Variants in TNR observed in about 807,000 individuals in gnomAD.
TNR encodes tenascin-R.
Under a neutral mutation model 150.4 loss-of-function variants are expected in TNR, and 45 were observed. The observed-to-expected ratio is 0.30, with a 90% confidence interval of 0.24 to 0.38. The LOEUF is 0.38. Among genes scored for constraint, TNR ranks in the 10% least tolerant of loss-of-function variants. The pLI, the probability that TNR is intolerant of heterozygous loss-of-function variation, is 1.00. For missense variants in TNR, 1,544 were observed against 1,759.1 expected, an observed-to-expected ratio of 0.88 and a Z score of 2.19; for synonymous variants, 687 against 678.4, an observed-to-expected ratio of 1.01 and a Z score of -0.20.
chr1:175,624,620 CAA>C (rs1664086534), intron 1 of TNR, among the ~76,000 whole-genome samples: 1 of 152,122 alleles, frequency 6.6e-6, no homozygotes, highest in Admixed American at 6.5e-5. Flanking sequence ...CTACAGGTTT[CAA>C]AGAAATCTTG....
chr1:175,401,091 T>A (rs905760904), intron 4 of TNR, among the ~76,000 whole-genome samples: 1 of 152,156 alleles, frequency 6.6e-6, no homozygotes, highest in Non-Finnish European at 1.5e-5. Context: ...ATGTCAGAGG[T>A]AACGTGCTCA....
At chr1:175,382,494 A>C (rs1652726926) in intron 8 of TNR, among the ~76,000 whole-genome samples, 1 of 152,236 alleles carries the variant, frequency 6.6e-6, no homozygotes, top group Middle Eastern at 3.2e-3. Context: ...AGAGTCCTAG[A>C]GCGGCATCAC....
intron 1 of TNR, among the ~76,000 whole-genome samples, chr1:175,582,300 C>T (rs1450105517): frequency 6.6e-6 from 1 of 152,184 alleles, no homozygotes; most frequent in Non-Finnish European, 1.5e-5. Context: ...AGAGCTAGGA[C>T]TCACTGTAGT....
intron 18 of TNR, among the ~76,000 whole-genome samples, chr1:175,338,474 G>A (rs559090467): frequency 1.3e-5 from 2 of 152,324 alleles, no homozygotes; most frequent in South Asian, 4.1e-4. Flanking sequence ...GCCCACCGGA[G>A]GAGCTTTTCT....
At chr1:175,598,867 C>G (rs1663116387) in intron 1 of TNR, among the ~76,000 whole-genome samples, 1 of 152,206 alleles carries the variant, frequency 6.6e-6, no homozygotes, top group Non-Finnish European at 1.5e-5. Flanking sequence ...ATCTCAAGTT[C>G]CCCAAGTCTT....
At chr1:175,689,187 C>T (rs1666285743) in intron 1 of TNR, among the ~76,000 whole-genome samples, 1 of 152,208 alleles carries the variant, frequency 6.6e-6, no homozygotes, top group African/African-American at 2.4e-5. Flanking sequence ...CTTCTCCTGG[C>T]TTCTGCCTAG....
At chr1:175,691,387 AAG>A (rs1666365973) in intron 1 of TNR, among the ~76,000 whole-genome samples, 1 of 152,232 alleles carries the variant, frequency 6.6e-6, no homozygotes, top group South Asian at 2.1e-4. Context: ...GCACAGTTGT[AAG>A]AGTTTCCTGT....
At chr1:175,626,334 T>C (rs1664157566) in intron 1 of TNR, among the ~76,000 whole-genome samples, 1 of 152,150 alleles carries the variant, frequency 6.6e-6, no homozygotes, top group Non-Finnish European at 1.5e-5. Context: ...GTCATTAAAA[T>C]CTCACCCAAG....
chr1:175,541,348 A>G lies in TNR; in HGVS notation c.-164-12979T>C, dbSNP rs1029524550. 2.0e-5 allele frequency among the ~76,000 whole-genome samples: 3 copies of G among 152,354 alleles called. No individual in the cohort carries two copies. In the East Asian group the frequency reaches 5.8e-4, roughly 29 times the overall value. The stretch of plus-strand genomic sequence containing the variant: ...CTCCCCATGGCAGCTCCCTGCCCCT[A>G]TGGCTTGGAAAACTCAATTCGCTCT... On this transcript the variant is annotated intron_variant, in intron 1 of 22. Coordinates refer to ENST00000367674, the MANE Select transcript of TNR (RefSeq NM_003285.3).
rs190410446 is a variant in TNR at position 175,656,453 on chromosome 1, G to T, written c.-165+86773C>A. ...TCTCTCAACTCCATTAATTCAGCCA[G>T]CTCAGCCCAGCTCCTGATTATGGTT... On this transcript the variant is annotated intron_variant, in intron 1 of 22. Coordinates refer to ENST00000367674, the MANE Select transcript of TNR (RefSeq NM_003285.3). 2.0e-5 allele frequency among the ~76,000 whole-genome samples: 3 copies of T among 152,306 alleles called. No homozygotes were observed. The East Asian group carries it at 5.8e-4, about 29-fold the overall frequency.
Position 175,315,997 on chromosome 1 carries a change from C to T in TNR, c.*7360G>A, listed in dbSNP as rs1040554687. ...GACATTTTTGCAGGAATTGAAGTGT[C>T]TATTGCATCTAATGCACAGGTGTCA... On this transcript the variant is annotated 3_prime_UTR_variant, in exon 23 of 23. Transcript: ENST00000367674. 2.0e-5 allele frequency: 3 copies of T among 152,212 alleles called. No individual in the cohort carries two copies. Among genetic ancestry groups the T allele is most frequent in the African/African-American group, 7.2e-5 (3 of 41,444 alleles). The allele number at this position is 152,212 out of a possible 1,614,324, so 9.4% of individuals were successfully genotyped here. A position where few individuals can be genotyped will look rare whatever the true frequency, so the allele number is the denominator to read the frequency against.
chr1:175,556,111 C>T (rs941274730), intron 1 of TNR, among the ~76,000 whole-genome samples: 2 of 152,248 alleles, frequency 1.3e-5, no homozygotes, highest in Non-Finnish European at 2.9e-5. Context: ...AGAAGACCGA[C>T]GGCCTTTTTG....
At chr1:175,699,120 T>C (rs927077395) in intron 1 of TNR, among the ~76,000 whole-genome samples, 22 of 152,116 alleles carry the variant, frequency 1.4e-4, no homozygotes, top group African/African-American at 3.9e-4. Flanking sequence ...GCTTAGAAGG[T>C]GGAGCCAGCA....
At chr1:175,512,206 G>A (rs1190268364) in intron 2 of TNR, among the ~76,000 whole-genome samples, 1 of 152,202 alleles carries the variant, frequency 6.6e-6, no homozygotes, top group East Asian at 1.9e-4. Context: ...CATTTAGAAG[G>A]AGGAGCACCC....
chr1:175,647,090 T>C (rs1664830904), intron 1 of TNR, among the ~76,000 whole-genome samples: 1 of 152,204 alleles, frequency 6.6e-6, no homozygotes, highest in South Asian at 2.1e-4. Flanking sequence ...CTTCACACCA[T>C]TCACACAATT....
intron 1 of TNR, among the ~76,000 whole-genome samples, chr1:175,590,232 G>T (rs867509275): frequency 6.6e-6 from 1 of 152,060 alleles, no homozygotes; most frequent in Non-Finnish European, 1.5e-5. Context: ...ACCTGTAGTA[G>T]TCATTATTGT....
chr1:175,417,075 G>GAAAGAAATAAATAAAT lies in TNR; in HGVS notation c.-63-10299_-63-10298insATTTATTTATTTCTTT, dbSNP rs754333098. On this transcript the variant is annotated intron_variant, in intron 2 of 22. Coordinates refer to ENST00000367674, the MANE Select transcript of TNR (RefSeq NM_003285.3). ...AGAAAGAAAGAAAGAAAGAAAGAAA[G>GAAAGAAATAAATAAAT]AAATCTAAGAAGTGGTCTCTTCCCT... Among the ~76,000 whole-genome samples the GAAAGAAATAAATAAAT allele has an allele frequency of 2.7e-3, 373 of 138,206 alleles. 3 individuals are homozygous for GAAAGAAATAAATAAAT. Among genetic ancestry groups the GAAAGAAATAAATAAAT allele is most frequent in the Admixed American group, 4.4e-3 (60 of 13,522 alleles). 90.7% of individuals were successfully genotyped at this position (138,206 alleles called of 152,430 possible).
At chr1:175,451,207 T>TTG (rs1656295340) in intron 2 of TNR, among the ~76,000 whole-genome samples, 1 of 137,596 alleles carries the variant, frequency 7.3e-6, no homozygotes, top group East Asian at 2.5e-4. Flanking sequence ...CTGGTTAGTT[T>TTG]TTTTTTTTTA....
At chr1:175,492,355 T>C (rs1246589246) in intron 2 of TNR, among the ~76,000 whole-genome samples, 2 of 152,218 alleles carry the variant, frequency 1.3e-5, no homozygotes, top group East Asian at 1.9e-4. Context: ...ACATCTGGCA[T>C]GCAGGTGGGT....
Sources: allele counts gnomAD v4.1 joint callset (sites outside exome capture counted in the v4.1 genomes callset), GRCh38; gene constraint gnomAD v4.1.1; transcripts MANE v1.5; gene names NCBI Gene and HGNC (gene_info 2026-07-23, HGNC 2026-07-21).